The following WDFY1 variants were observed in gnomAD, a reference collection of about 807,000 sequenced individuals.
WDFY1 encodes the protein WD repeat and FYVE domain-containing protein 1.
Under a neutral mutation model 56.4 loss-of-function variants are expected in WDFY1, and 32 were observed. That is an observed-to-expected ratio of 0.57 (90% confidence interval 0.43 to 0.76). WDFY1 has a LOEUF of 0.76. WDFY1 is among the 30% of genes least tolerant of loss of function. The pLI, the probability that WDFY1 is intolerant of heterozygous loss-of-function variation, is 0.00. For missense variants in WDFY1, 480 were observed against 545.7 expected, an observed-to-expected ratio of 0.88 and a Z score of 1.20; for synonymous variants, 192 against 197.3, an observed-to-expected ratio of 0.97 and a Z score of 0.23.
chr2:223,937,899 A>G (rs1305507889), intron 1 of WDFY1, among the ~76,000 whole-genome samples: 2 of 152,238 alleles, frequency 1.3e-5, no homozygotes, highest in Non-Finnish European at 2.9e-5. Context: ...CCTCCCAGGC[A>G]TAACACTTAA....
At chr2:223,885,144 A>G (rs1693151383) in intron 8 of WDFY1, among the ~76,000 whole-genome samples, 1 of 151,954 alleles carries the variant, frequency 6.6e-6, no homozygotes, top group South Asian at 2.1e-4. Flanking sequence ...TAATTCCACG[A>G]AATATTCTAG....
intron 2 of WDFY1, among the ~76,000 whole-genome samples, chr2:223,914,227 C>A (rs779084133): frequency 1.3e-5 from 2 of 151,968 alleles, no homozygotes; most frequent in Non-Finnish European, 2.9e-5. Flanking sequence ...GAACTCCTGA[C>A]CTCAAATGAT....
At chr2:223,898,042 G>C (rs760206789) in intron 6 of WDFY1, among the ~76,000 whole-genome samples, 1 of 152,110 alleles carries the variant, frequency 6.6e-6, no homozygotes, top group Non-Finnish European at 1.5e-5. Context: ...TTACTGCAAT[G>C]CAAGAATGGC....
At chr2:223,912,142 A>G (rs1559170100) in intron 3 of WDFY1, 111 bp downstream of exon 3, 1 of 1,131,966 alleles carries the variant, frequency 8.8e-7, no homozygotes, top group Non-Finnish European at 1.2e-6. Flanking sequence ...ATGCCAAACA[A>G]TCGAGCATCC....
intron 10 of WDFY1, 148 bp downstream of exon 10, chr2:223,881,794 C>T: frequency 1.7e-6 from 2 of 1,172,522 alleles, no homozygotes; most frequent in East Asian, 2.9e-5. Flanking sequence ...TCTCAAAAAA[C>T]AAACAACAAA....
At chr2:223,879,222 G>C (rs1339564255) in intron 11 of WDFY1, among the ~76,000 whole-genome samples, 1 of 152,086 alleles carries the variant, frequency 6.6e-6, no homozygotes, top group African/African-American at 2.4e-5. Context: ...AAACAATGTA[G>C]TTCACTAAAA....
chr2:223,936,308 T>C (rs1559176710), intron 1 of WDFY1, among the ~76,000 whole-genome samples: 1 of 152,070 alleles, frequency 6.6e-6, no homozygotes, highest in African/African-American at 2.4e-5. Flanking sequence ...GCAATCTGCC[T>C]GCCTCAGCTT....
intron 1 of WDFY1, among the ~76,000 whole-genome samples, chr2:223,931,076 T>C (rs1486569279): frequency 6.6e-6 from 1 of 152,226 alleles, no homozygotes; most frequent in Non-Finnish European, 1.5e-5. Context: ...AATATACCTT[T>C]AAGAACCATA....
At chr2:223,941,505 C>T (rs1689305620) in intron 1 of WDFY1, among the ~76,000 whole-genome samples, 2 of 152,134 alleles carry the variant, frequency 1.3e-5, no homozygotes, top group South Asian at 4.1e-4. Flanking sequence ...GCTCAACGAC[C>T]TTCTCTAGGA....
intron 3 of WDFY1, among the ~76,000 whole-genome samples, chr2:223,907,577 A>C (rs1693618834): frequency 6.6e-6 from 1 of 152,210 alleles, no homozygotes; most frequent in Non-Finnish European, 1.5e-5. Context: ...GAAGGCCACA[A>C]GAAGGGTCCC....
At chr2:223,900,510 TA>T (rs1693488383) in intron 5 of WDFY1, among the ~76,000 whole-genome samples, 1 of 152,004 alleles carries the variant, frequency 6.6e-6, no homozygotes, top group African/African-American at 2.4e-5. Context: ...TATCCTTAGG[TA>T]AGGGCGAGCT....
At chr2:223,903,636 C>CAA (rs1282214089) in intron 4 of WDFY1, among the ~76,000 whole-genome samples, 1 of 119,380 alleles carries the variant, frequency 8.4e-6, no homozygotes, top group Non-Finnish European at 1.7e-5. Flanking sequence ...TACACACACA[C>CAA]ACACGTTTTT....
intron 1 of WDFY1, among the ~76,000 whole-genome samples, chr2:223,929,839 T>C (rs1694045784): frequency 4.8e-5 from 4 of 83,700 alleles, no homozygotes; most frequent in Admixed American, 2.8e-4. Context: ...ATTTAGTTGT[T>C]TGACCAACTT....
chr2:223,883,490 T>G (rs1440846729), intron 9 of WDFY1, among the ~76,000 whole-genome samples: 1 of 152,198 alleles, frequency 6.6e-6, no homozygotes, highest in Non-Finnish European at 1.5e-5. Context: ...CCATCAGCCA[T>G]GCATTGTGAG....
chr2:223,895,538 T>C lies in WDFY1; in HGVS notation c.691A>G (p.Arg231Gly), dbSNP rs759075155. 2.5e-6 allele frequency: 4 copies of C among 1,614,020 alleles called. No homozygotes were observed. The highest frequency in any genetic ancestry group is 3.4e-6 in the Non-Finnish European group (4 of 1,179,934). The change falls in exon 7 of 12, where the codon AGG becomes GGG. Residue 231 changes from arginine (R) to glycine (G), a missense_variant. By Grantham distance (125) the Arg-to-Gly change is moderately radical. Transcript: ENST00000233055. ...TGAAGTAACAGCGTCCGGCCTTTCC[T>C]TCCTCCGATGTCCCACATGATGATG... ...NSIIMWDIGG[R>G]KGRTLLLQGH...
intron 8 of WDFY1, among the ~76,000 whole-genome samples, chr2:223,885,907 G>A (rs796825272): frequency 9.9e-5 from 15 of 152,252 alleles, no homozygotes; most frequent in African/African-American, 3.6e-4. Flanking sequence ...GGAACTCTTG[G>A]TGCACGTTTC....
In WDFY1 at chr2:223,875,671, T is replaced by C. The variant is rs1044958827; in HGVS notation, c.*3000A>G. 2.0e-5 allele frequency: 3 copies of C among 152,212 alleles called. No individual in the cohort carries two copies. Among genetic ancestry groups the C allele is most frequent in the Non-Finnish European group, 4.4e-5 (3 of 68,040 alleles). 9.4% of individuals were successfully genotyped at this position (152,212 alleles called of 1,614,324 possible). A position where few individuals can be genotyped will look rare whatever the true frequency, so the allele number is the denominator to read the frequency against. ...TAGAATAGGCATTCAATAAATCTGC[T>C]CACAATTAACAATTAAGCAATAGAC... On this transcript the variant is annotated 3_prime_UTR_variant, in exon 12 of 12. Coordinates refer to ENST00000233055, the MANE Select transcript of WDFY1 (RefSeq NM_020830.5).
intron 8 of WDFY1, among the ~76,000 whole-genome samples, chr2:223,891,957 T>G (rs907552929): frequency 6.6e-6 from 1 of 152,174 alleles, no homozygotes; most frequent in Non-Finnish European, 1.5e-5. Context: ...TATAGTATTA[T>G]GCATCCTATA....
intron 2 of WDFY1, 105 bp from the exon 3 acceptor site, chr2:223,912,431 C>T: frequency 2.4e-6 from 2 of 836,558 alleles, no homozygotes; most frequent in South Asian, 3.4e-5. Context: ...TTTAGGTTCA[C>T]AGAAAGAGGG....
Sources: allele counts gnomAD v4.1 joint callset (sites outside exome capture counted in the v4.1 genomes callset), GRCh38; gene constraint gnomAD v4.1.1; transcripts MANE v1.5; gene names NCBI Gene and HGNC (gene_info 2026-07-23, HGNC 2026-07-21).